RASA3: variants seen among roughly 807,000 people sequenced by gnomAD.
RASA3 encodes RAS p21 protein activator 3, also known as ras GTPase-activating protein 3.
A neutral mutation model predicts 110.0 loss-of-function variants in RASA3; 73 were observed. The ratio of observed to expected loss-of-function variants is 0.66; its 90% CI spans 0.55 to 0.81. RASA3 has a LOEUF of 0.81. Among genes scored for constraint, RASA3 ranks in the 30% least tolerant of loss-of-function variants. The pLI, the probability that RASA3 is intolerant of heterozygous loss-of-function variation, is 0.00. For synonymous variants in RASA3, 500 were observed against 451.4 expected, an observed-to-expected ratio of 1.11 and a Z score of -1.37; for missense variants, 976 against 1,113.2, an observed-to-expected ratio of 0.88 and a Z score of 1.75.
In RASA3 at chr13:113,999,208, A is replaced by T. The variant is rs570529818; in HGVS notation, c.1932+377T>A. Among the ~76,000 whole-genome samples the T allele has an allele frequency of 3.9e-4, 59 of 152,290 alleles. 1 individual carries two copies. The highest frequency in any genetic ancestry group is 5.4e-4 in the Non-Finnish European group (37 of 68,020). On this transcript the variant is annotated intron_variant, in intron 20 of 23. Transcript: ENST00000334062. ...ACTCGTGCAACTTCTATAAATTCAA[A>T]ATTATATCAAAATAAAAAAGCTTCC... is the stretch of plus-strand genomic sequence containing the variant.
At chr13:114,015,402 C>A in intron 13 of RASA3, 70 bp from the exon 14 acceptor site, 6 of 1,585,676 alleles carry the variant, frequency 3.8e-6, no homozygotes, top group Non-Finnish European at 5.2e-6. Flanking sequence ...CCAGGGCACG[C>A]CCAGGGAGGG....
At chr13:114,022,060 A>T (rs1041103903) in intron 8 of RASA3, among the ~76,000 whole-genome samples, 2 of 151,964 alleles carry the variant, frequency 1.3e-5, no homozygotes, top group African/African-American at 4.8e-5. Flanking sequence ...CAAATGTAGA[A>T]CCCTGTCTCC....
At chr13:114,117,351 CG>C (rs1041685470) in intron 1 of RASA3, among the ~76,000 whole-genome samples, 1 of 124,170 alleles carries the variant, frequency 8.1e-6, no homozygotes, top group Non-Finnish European at 1.7e-5. Flanking sequence ...GAGGAGAGCA[CG>C]TGTGTGAGGG....
At chr13:114,049,661 C>T (rs572643310) in intron 3 of RASA3, among the ~76,000 whole-genome samples, 51 of 152,264 alleles carry the variant, frequency 3.3e-4, no homozygotes, top group Non-Finnish European at 5.1e-4. Context: ...CCTCAATTCG[C>T]GCGTGGCGCC....
chr13:114,015,027 G>A (rs2053756577), intron 14 of RASA3, among the ~76,000 whole-genome samples, 182 bp downstream of exon 14: 1 of 152,136 alleles, frequency 6.6e-6, no homozygotes, highest in Admixed American at 6.5e-5. Context: ...GACCACTGCG[G>A]TTGTGAACTA....
Position 114,057,096 on chromosome 13 carries a change from G to A in RASA3, c.174-4941C>T, listed in dbSNP as rs751580148. On this transcript the variant is annotated intron_variant, in intron 2 of 23. Coordinates refer to ENST00000334062, the MANE Select transcript of RASA3 (RefSeq NM_007368.4). This position sits in a 1 kb window ranked among gnomAD's most constrained non-coding sequence, Gnocchi z 5.0. ...AGCTGAGAACCCTGGAGCCAGAACA[G>A]GCTCCAGCACAGGCGATGGGTGAGT... The A allele has an allele frequency of 3.0e-6, 2 of 667,212 alleles. No homozygotes were observed. The highest frequency in any genetic ancestry group is 3.7e-6 in the Non-Finnish European group (2 of 539,818). 41.3% of individuals were successfully genotyped at this position (667,212 alleles called of 1,614,324 possible).
intron 18 of RASA3, among the ~76,000 whole-genome samples, chr13:114,002,063 G>A (rs78147772): frequency 6.6e-6 from 1 of 152,380 alleles, no homozygotes; most frequent in Non-Finnish European, 1.5e-5. Context: ...TTCATTGCCG[G>A]GCAGGGGTCC....
chr13:114,015,446 C>T (rs1594325897), intron 13 of RASA3, 114 bp from the exon 14 acceptor site: 2 of 1,332,276 alleles, frequency 1.5e-6, no homozygotes, highest in East Asian at 4.8e-5. Flanking sequence ...GGGCGCAGGG[C>T]AGCTGCGGCA....
At chr13:114,080,648 G>A (rs554104273) in intron 1 of RASA3, among the ~76,000 whole-genome samples, 73 of 152,344 alleles carry the variant, frequency 4.8e-4, no homozygotes, top group Non-Finnish European at 1.0e-3. Flanking sequence ...GCTTACTGGA[G>A]GCCTGACCCC....
In RASA3 at chr13:114,057,417, C is replaced by A. The variant is rs2079264377; in HGVS notation, c.174-5262G>T. 14 of 985,306 alleles carry A rather than the reference C, an allele frequency of 1.4e-5. No homozygotes were observed. Among genetic ancestry groups the A allele is most frequent in the Non-Finnish European group, 1.7e-5 (14 of 829,916 alleles). 61.0% of individuals were successfully genotyped at this position (985,306 alleles called of 1,614,324 possible). A position where few individuals can be genotyped will look rare whatever the true frequency, so the allele number is the denominator to read the frequency against. On this transcript the variant is annotated intron_variant, in intron 2 of 23. Coordinates refer to ENST00000334062, the MANE Select transcript of RASA3 (RefSeq NM_007368.4). This position sits in a 1 kb window ranked among gnomAD's most constrained non-coding sequence, Gnocchi z 5.0. The stretch of plus-strand genomic sequence containing the variant: ...TCCGGAGAGGCGGCCGTGCTACAGG[C>A]CTTGCACTCATTTTAATGAAGGCTC...
intron 1 of RASA3, among the ~76,000 whole-genome samples, chr13:114,079,624 T>C (rs567985879): frequency 6.6e-6 from 1 of 152,356 alleles, no homozygotes; most frequent in South Asian, 2.1e-4. Context: ...CCCTGGCCCC[T>C]GGGATCCTCA....
chr13:114,112,522 C>T lies in RASA3; in HGVS notation c.55+19913G>A, dbSNP rs1420868014. Among the ~76,000 whole-genome samples, 3 of 152,160 alleles carry T rather than the reference C, an allele frequency of 2.0e-5. No homozygotes were observed. The highest frequency in any genetic ancestry group is 2.1e-4 in the South Asian group (1 of 4,832). Reference sequence around the variant, plus strand: ...GGGCCGGTGGAAAGAGATCGCCAGCCCCAGCTCTGTAGGGGTGCGGCCTGC... The same window carrying T: ...GGGCCGGTGGAAAGAGATCGCCAGCTCCAGCTCTGTAGGGGTGCGGCCTGC... On this transcript the variant is annotated intron_variant, in intron 1 of 23. Coordinates refer to ENST00000334062, the MANE Select transcript of RASA3 (RefSeq NM_007368.4). The surrounding 1 kb of genome is among the most constrained non-coding windows in gnomAD (Gnocchi z 4.8).
chr13:113,995,700 G>GC (rs1428064853), intron 21 of RASA3, among the ~76,000 whole-genome samples: 14 of 117,066 alleles, frequency 1.2e-4, no homozygotes, highest in East Asian at 2.7e-4. Context: ...CTGATGGGGG[G>GC]CTGGCTGACG....
chr13:114,003,856 C>A (rs893156074), intron 18 of RASA3, among the ~76,000 whole-genome samples: 2 of 152,228 alleles, frequency 1.3e-5, no homozygotes, highest in African/African-American at 4.8e-5. Context: ...GACACGACAA[C>A]AGGAACCTCG....
chr13:114,094,856 C>T (rs180819394), intron 1 of RASA3, among the ~76,000 whole-genome samples: 134 of 152,284 alleles, frequency 8.8e-4, no homozygotes, highest in African/African-American at 3.1e-3. Context: ...CAGTCAGTAC[C>T]GAGACCGAGG....
At chr13:114,079,821 C>T (rs1478218722) in intron 1 of RASA3, among the ~76,000 whole-genome samples, 1 of 152,122 alleles carries the variant, frequency 6.6e-6, no homozygotes. Context: ...GCCTGAGTGC[C>T]CGTCCGCACT....
chr13:114,105,641 C>G (rs1278641853), intron 1 of RASA3, among the ~76,000 whole-genome samples: 1 of 152,370 alleles, frequency 6.6e-6, no homozygotes, highest in East Asian at 1.9e-4. Flanking sequence ...TCGCTTCACC[C>G]AGCCTGAGGC....
chr13:114,028,891 A>G (rs1301565472), intron 5 of RASA3, among the ~76,000 whole-genome samples: 1 of 36,100 alleles, frequency 2.8e-5, no homozygotes, highest in African/African-American at 1.4e-4. Flanking sequence ...CCTCTAAAAC[A>G]GTGTCATCCT....
chr13:114,004,598 C>T (rs1453116800), intron 18 of RASA3, among the ~76,000 whole-genome samples: 6 of 152,294 alleles, frequency 3.9e-5, no homozygotes, highest in African/African-American at 1.4e-4. Flanking sequence ...ACCCAGCTCA[C>T]GCCGGGCAGA....
Sources: allele counts gnomAD v4.1 joint callset (sites outside exome capture counted in the v4.1 genomes callset), GRCh38; gene constraint gnomAD v4.1.1; non-coding constraint Gnocchi (gnomAD v3.1); transcripts MANE v1.5; gene names NCBI Gene and HGNC (gene_info 2026-07-23, HGNC 2026-07-21).